The following WSCD1 variants were observed in gnomAD, a reference collection of about 807,000 sequenced individuals.
WSCD1 encodes the protein sialate:O-sulfotransferase 1.
Under a neutral mutation model 60.4 loss-of-function variants are expected in WSCD1, and 41 were observed. The observed-to-expected ratio is 0.68, with a 90% CI of 0.53 to 0.88. The LOEUF is 0.88. Among genes scored for constraint, WSCD1 ranks in the 40% least tolerant of loss-of-function variants. The probability of loss-of-function intolerance (pLI) is 0.00; values close to 1 mark genes in which losing one functional copy is unlikely to be tolerated. For synonymous variants in WSCD1, 361 were observed against 332.5 expected (o/e 1.09, Z -0.93); for missense variants, 784 against 796.2 (o/e 0.98, Z 0.18).
chr17:6,088,420 C>G (rs953396160), intron 3 of WSCD1, among the ~76,000 whole-genome samples: 4 of 152,228 alleles, frequency 2.6e-5, no homozygotes, highest in African/African-American at 9.6e-5. Flanking sequence ...CCAGCCATAG[C>G]AGGGACTCAG....
rs921936296 is a variant in WSCD1, at chr17:6,070,648, GC to G, written c.-292del. ...GCGGGCGCCCCAGCCGGCCGCGATC[GC>G]GGGGTGAGTCCTGTCTCTCGGCGCT... On this transcript the variant is annotated 5_prime_UTR_variant, in exon 1 of 9. An upstream open reading frame in the 5' UTR loses its in-frame stop. Transcript: ENST00000317744. 3.3e-5 allele frequency: 5 copies of G among 150,486 alleles called. No homozygotes were observed. In the East Asian group the frequency reaches 9.8e-4, roughly 29 times the overall value. The allele number at this position is 150,486 out of a possible 1,614,324, so 9.3% of individuals were successfully genotyped here. A position where few individuals can be genotyped will look rare whatever the true frequency, so the allele number is the denominator to read the frequency against.
In WSCD1 at chr17:6,118,743, A is replaced by G. The variant is rs1018234674; in HGVS notation, c.1375+555A>G. 6.6e-6 allele frequency among the ~76,000 whole-genome samples: 1 copy of G among 152,150 alleles called. No individual in the cohort carries two copies. Among genetic ancestry groups the G allele is most frequent in the East Asian group, 1.9e-4 (1 of 5,190 alleles). On this transcript the variant is annotated intron_variant, in intron 8 of 8. Transcript: ENST00000317744. The surrounding 1 kb of genome is among the most constrained non-coding windows in gnomAD (Gnocchi z 5.8). Reference sequence around the variant, plus strand: ...ACTCTTCACAGTGTCTGGTGGGGAAATCACATCAGCCCTACATTCCAGATG... The same window carrying G: ...ACTCTTCACAGTGTCTGGTGGGGAAGTCACATCAGCCCTACATTCCAGATG...
chr17:6,082,060 A>T (rs4380092), intron 2 of WSCD1: 1 of 152,066 alleles, frequency 6.6e-6, no homozygotes, highest in Non-Finnish European at 1.5e-5. Flanking sequence ...ATTATGACTT[A>T]ATAAAAGCAG....
intron 2 of WSCD1, chr17:6,084,635 A>G (rs1249096660): frequency 1.3e-5 from 2 of 152,264 alleles, no homozygotes; most frequent in Non-Finnish European, 2.9e-5. Context: ...TAACTTCTCC[A>G]TAGCCAGTTT....
chr17:6,115,633 C>T lies in WSCD1; in HGVS notation c.1175-2355C>T, dbSNP rs137877682. The stretch of plus-strand genomic sequence containing the variant: ...AGATAGAGTCTCACTTTCACTCTGT[C>T]GCCCAGGATGGAGTGCAATGGCACA... On this transcript the variant is annotated intron_variant, in intron 7 of 8. Transcript: ENST00000317744. 4.0e-4 allele frequency among the ~76,000 whole-genome samples: 60 copies of T among 151,858 alleles called. 1 individual carries two copies. In the East Asian group the frequency reaches 8.3e-3, roughly 21 times the overall value.
chr17:6,107,830 G>A (rs1430330736), intron 5 of WSCD1, among the ~76,000 whole-genome samples: 1 of 152,172 alleles, frequency 6.6e-6, no homozygotes, highest in Non-Finnish European at 1.5e-5. Context: ...ACTTGCTTCT[G>A]GAAAAGCCAG....
chr17:6,111,483 C>T (rs958577168), intron 7 of WSCD1, among the ~76,000 whole-genome samples: 1 of 152,034 alleles, frequency 6.6e-6, no homozygotes, highest in South Asian at 2.1e-4. Flanking sequence ...GGTGGATCGC[C>T]TGAGGTCAGG....
intron 2 of WSCD1, among the ~76,000 whole-genome samples, chr17:6,082,443 G>T (rs147331615): frequency 6.6e-6 from 1 of 152,248 alleles, no homozygotes; most frequent in African/African-American, 2.4e-5. Context: ...AGGCCTGGGA[G>T]ACATGGAAGG....
In WSCD1 at chr17:6,105,218, G is replaced by A. The variant is rs139248485; in HGVS notation, c.850-4389G>A. Among the ~76,000 whole-genome samples the A allele has an allele frequency of 6.5e-3, 993 of 152,256 alleles. 11 individuals carry two copies. The highest frequency in any genetic ancestry group is 0.019 in the African/African-American group (779 of 41,550). ...CCAGCACTAGCCGTGCGTCCAGACC[G>A]ACCCAGGCTCAGGCTGTAGATGCAG... On this transcript the variant is annotated intron_variant, in intron 5 of 8. Transcript: ENST00000317744.
In WSCD1 at chr17:6,101,795, G is replaced by A. The variant is rs138273399; in HGVS notation, c.849+6572G>A. 1.4e-3 allele frequency among the ~76,000 whole-genome samples: 212 copies of A among 152,276 alleles called. 1 individual carries two copies. Among genetic ancestry groups the A allele is most frequent in the African/African-American group, 4.9e-3 (205 of 41,546 alleles). ...TCAACGCAAGGCAAGAGTGAGCAGGGGGCAGCTTCGATATTTGCATTGCTA... is the reference window on the plus strand; with the variant it reads ...TCAACGCAAGGCAAGAGTGAGCAGGAGGCAGCTTCGATATTTGCATTGCTA... On this transcript the variant is annotated intron_variant, in intron 5 of 8. Coordinates refer to ENST00000317744, the MANE Select transcript of WSCD1 (RefSeq NM_015253.2). This position sits in a 1 kb window ranked among gnomAD's most constrained non-coding sequence, Gnocchi z 4.1.
chr17:6,105,941 A>C (rs530708903), intron 5 of WSCD1, among the ~76,000 whole-genome samples: 1 of 152,324 alleles, frequency 6.6e-6, no homozygotes, highest in African/African-American at 2.4e-5. Flanking sequence ...AGTTAACCCA[A>C]TGACCAGCAG....
intron 1 of WSCD1, among the ~76,000 whole-genome samples, chr17:6,079,076 C>T (rs184995604): frequency 8.9e-4 from 135 of 152,334 alleles, no homozygotes; most frequent in African/African-American, 3.1e-3. Flanking sequence ...CTGCTCTCCC[C>T]GAGGGCCTCG....
Position 6,121,468 on chromosome 17 carries a change from G to A in WSCD1, c.*807G>A, listed in dbSNP as rs1021049915. The A allele has an allele frequency of 1.1e-4, 17 of 152,232 alleles. No individual in the cohort carries two copies. The highest frequency in any genetic ancestry group is 4.1e-4 in the African/African-American group (17 of 41,434). The allele number at this position is 152,232 out of a possible 1,614,324, so 9.4% of individuals were successfully genotyped here. A position where few individuals can be genotyped will look rare whatever the true frequency, so the allele number is the denominator to read the frequency against. ...CAACCCCTCCTACACCATGCTCCGG[G>A]GCCTGGGGCCTCCTTGCCTGGCTTC... On this transcript the variant is annotated 3_prime_UTR_variant, in exon 9 of 9. Coordinates refer to ENST00000317744, the MANE Select transcript of WSCD1 (RefSeq NM_015253.2).
intron 5 of WSCD1, among the ~76,000 whole-genome samples, chr17:6,106,928 A>G (rs1911117753): frequency 6.6e-6 from 1 of 152,192 alleles, no homozygotes; most frequent in South Asian, 2.1e-4. Flanking sequence ...TGGAGAAGTC[A>G]GGGAACAGCA....
rs531585666 is a variant in WSCD1 at position 6,075,397 on chromosome 17, C to A, written c.-289+4745C>A. Among the ~76,000 whole-genome samples, 4 of 152,142 alleles carry A rather than the reference C, an allele frequency of 2.6e-5. No individual in the cohort carries two copies. Among genetic ancestry groups the A allele is most frequent in the Non-Finnish European group, 4.4e-5 (3 of 67,992 alleles). On this transcript the variant is annotated intron_variant, in intron 1 of 8. Coordinates refer to ENST00000317744, the MANE Select transcript of WSCD1 (RefSeq NM_015253.2). The surrounding 1 kb of genome is among the most constrained non-coding windows in gnomAD (Gnocchi z 4.1). ...AGCCCCCAGCCCCAGGGACTGCCTC[C>A]TCTCCTCTCCCTGCTGCCACCCCTC...
At chr17:6,081,168 C>A in intron 2 of WSCD1, 83 bp downstream of exon 2, 1 of 1,420,746 alleles carries the variant, frequency 7.0e-7, no homozygotes, top group Non-Finnish European at 9.3e-7. Flanking sequence ...TTTCTCTCTG[C>A]AGGCCTGTGG....
intron 2 of WSCD1, among the ~76,000 whole-genome samples, chr17:6,086,883 C>T (rs1490990414): frequency 2.0e-5 from 3 of 152,162 alleles, no homozygotes; most frequent in Non-Finnish European, 4.4e-5. Flanking sequence ...CACTAAAAAG[C>T]CGCTTGGGAG....
At chr17:6,097,860 G>T (rs1743768436) in intron 5 of WSCD1, among the ~76,000 whole-genome samples, 2 of 152,072 alleles carry the variant, frequency 1.3e-5, no homozygotes, top group Admixed American at 1.3e-4. Context: ...TTTTGTGTGT[G>T]TTGGGGGGCT....
rs10852875 is a variant in WSCD1, at chr17:6,101,731, A to G, written c.849+6508A>G. 0.088 allele frequency among the ~76,000 whole-genome samples: 13,460 copies of G among 152,192 alleles called. 799 individuals are homozygous for G. The highest frequency in any genetic ancestry group is 0.22 in the East Asian group (1,157 of 5,168). ...TATGGAGATGGAAAGAGACCTGCTC[A>G]TTCTCAGTCCCCTTCAGGATCCTAT... On this transcript the variant is annotated intron_variant, in intron 5 of 8. Coordinates refer to ENST00000317744, the MANE Select transcript of WSCD1 (RefSeq NM_015253.2). The surrounding 1 kb of genome is among the most constrained non-coding windows in gnomAD (Gnocchi z 4.1).
Sources: gnomAD v4.1 joint callset for allele counts (sites outside exome capture counted in the v4.1 genomes callset) on GRCh38, gnomAD v4.1.1 for gene constraint, Gnocchi (gnomAD v3.1) non-coding constraint, MANE v1.5 for transcripts, NCBI Gene and HGNC (gene_info 2026-07-23, HGNC 2026-07-21) for gene names.